PADI1: variants seen among roughly 807,000 people sequenced by gnomAD.
PADI1 encodes the protein peptidyl arginine deiminase 1.
Under a neutral mutation model 74.8 loss-of-function variants are expected in PADI1, and 65 were observed. The ratio of observed to expected loss-of-function variants is 0.87; its 90% CI spans 0.71 to 1.07. The LOEUF (loss-of-function observed/expected upper bound fraction) is 1.07. PADI1 is among the 50% of genes least tolerant of loss of function. PADI1 has a pLI of 0.00. For synonymous variants in PADI1, 371 were observed against 336.2 expected (o/e 1.10, Z -1.13); for missense variants, 943 against 854.0 (o/e 1.10, Z -1.30).
intron 4 of PADI1, 81 bp downstream of exon 4, chr1:17,224,509 C>A: frequency 9.5e-7 from 1 of 1,047,908 alleles, no homozygotes. Context: ...TGCCCTCCCT[C>A]CAGAAGAATG....
At chr1:17,226,661 C>T (rs2072321256) in intron 6 of PADI1, among the ~76,000 whole-genome samples, 1 of 152,188 alleles carries the variant, frequency 6.6e-6, no homozygotes, top group African/African-American at 2.4e-5. Flanking sequence ...CAATGACTCA[C>T]ATCTGTAATC....
In PADI1 at chr1:17,230,600, C is replaced by A. The variant is rs1557473304; in HGVS notation, c.1082C>A (p.Ala361Asp). 1 of 1,611,934 alleles carries A rather than the reference C, an allele frequency of 6.2e-7. No individual in the cohort carries two copies. The highest frequency in any genetic ancestry group is 1.3e-5 in the African/African-American group (1 of 74,752). ...QDEMEFGYIE[A>D]PHKSFPVVFD... ...GAGATGGAGTTTGGCTACATCGAGG[C>A]CCCTCACAAATCCTTCCCCGTGGTC... is the stretch of plus-strand genomic sequence containing the variant. Residue 361 changes from alanine (A) to aspartate (D), a missense_variant, in exon 10 of 16, where the codon GCC becomes GAC. Physicochemically the swap from Ala to Asp is moderately radical, Grantham distance 126. Coordinates refer to ENST00000375471, the MANE Select transcript of PADI1 (RefSeq NM_013358.3).
Position 17,224,441 on chromosome 1 carries a change from C to T in PADI1, c.408+13C>T, listed in dbSNP as rs765221986. 52 of 1,609,158 alleles carry T rather than the reference C, an allele frequency of 3.2e-5. No individual in the cohort carries two copies. Among genetic ancestry groups the T allele is most frequent in the African/African-American group, 1.7e-4 (13 of 74,854 alleles). ...CCAAGGGGACAAGGTGAGACCCTTC[C>T]GGGCACCCCAAGGCTGCGGGGTTGA... On this transcript the variant is annotated intron_variant, in intron 4 of 15. Transcript: ENST00000375471.
intron 11 of PADI1, among the ~76,000 whole-genome samples, chr1:17,235,141 A>T (rs1418137860): frequency 1.4e-5 from 2 of 141,460 alleles, no homozygotes; most frequent in Admixed American, 1.4e-4. Context: ...TGAAGGAAAG[A>T]AGGAAGGGAG....
rs12752579 is a variant in PADI1, at chr1:17,232,803, G to A, written c.1162-16G>A. The A allele has an allele frequency of 3.7e-3, 5,970 of 1,602,322 alleles. 29 individuals carry two copies. Among genetic ancestry groups the A allele is most frequent in the Middle Eastern group, 4.3e-3 (26 of 6,012 alleles). Reference sequence around the variant, plus strand: ...CTCTCCTTCTTGGGGTGGGGGTCTCGCTGGTTCTTCCATAGGGTCCTGACT... The same window carrying A: ...CTCTCCTTCTTGGGGTGGGGGTCTCACTGGTTCTTCCATAGGGTCCTGACT... On this transcript the variant is annotated splice_polypyrimidine_tract_variant and intron_variant, in intron 10 of 15. Transcript: ENST00000375471.
chr1:17,213,013 C>G (rs566736825), intron 1 of PADI1, among the ~76,000 whole-genome samples: 1 of 152,216 alleles, frequency 6.6e-6, no homozygotes, highest in Non-Finnish European at 1.5e-5. Context: ...TGTTTCCTTC[C>G]GACATCCCTG....
chr1:17,230,462 T>G, intron 9 of PADI1, 110 bp from the exon 10 acceptor site: 1 of 782,976 alleles, frequency 1.3e-6, no homozygotes, highest in Non-Finnish European at 2.0e-6. Flanking sequence ...CCTCACCAGG[T>G]CTTAGGGAAG....
chr1:17,217,431 G>A (rs1463549402), intron 1 of PADI1, among the ~76,000 whole-genome samples: 1 of 152,144 alleles, frequency 6.6e-6, no homozygotes, highest in South Asian at 2.1e-4. Flanking sequence ...GTGTCCTCTC[G>A]GGGAAGGCTG....
intron 11 of PADI1, among the ~76,000 whole-genome samples, chr1:17,234,877 G>A (rs1051573196): frequency 6.6e-6 from 1 of 152,122 alleles, no homozygotes; most frequent in Non-Finnish European, 1.5e-5. Flanking sequence ...GCTTCTTTGC[G>A]AGGCCAAGGT....
Position 17,210,919 on chromosome 1 carries a change from C to T in PADI1, c.92+5610C>T, listed in dbSNP as rs184175309. ...TCTTTTCCCCAGGGCCGTCTGCTCC[C>T]GGGCACCTGCTCTGTGCTGGGTTCT... On this transcript the variant is annotated intron_variant, in intron 1 of 15. Transcript: ENST00000375471. 3.9e-5 allele frequency among the ~76,000 whole-genome samples: 6 copies of T among 152,302 alleles called. No homozygotes were observed. The East Asian group carries it at 1.2e-3, about 29-fold the overall frequency.
chr1:17,230,545 G>A (rs1013113588), intron 9 of PADI1, 27 bp from the exon 10 acceptor site: 10 of 1,517,480 alleles, frequency 6.6e-6, no homozygotes, highest in African/African-American at 4.2e-5. Context: ...AAAGGTCACT[G>A]TGGCTTTTTC....
chr1:17,238,750 C>T (rs1289434209), intron 13 of PADI1, 41 bp downstream of exon 13: 1 of 1,046,334 alleles, frequency 9.6e-7, no homozygotes, highest in Admixed American at 3.1e-5. Flanking sequence ...GGACCCTGCC[C>T]TTTCATCACC....
intron 1 of PADI1, among the ~76,000 whole-genome samples, chr1:17,221,598 T>C (rs1311915046): frequency 6.6e-6 from 1 of 151,740 alleles, no homozygotes; most frequent in African/African-American, 2.4e-5. Context: ...GAAGGTGACA[T>C]TTAGGCAGAG....
rs577278276 is a variant in PADI1, at chr1:17,216,107, C to T, written c.93-6183C>T. ...CTGCAGCCCTGGCATGCTTGAAGAA[C>T]GGCAGGAACAAGCAAGAGGGCGTGG... is the stretch of plus-strand genomic sequence containing the variant. On this transcript the variant is annotated intron_variant, in intron 1 of 15. Transcript: ENST00000375471. Among the ~76,000 whole-genome samples the T allele has an allele frequency of 2.4e-3, 367 of 152,130 alleles. 2 individuals carry two copies. The highest frequency in any genetic ancestry group is 8.2e-3 in the African/African-American group (341 of 41,502).
At chr1:17,209,618 G>A (rs1261828470) in intron 1 of PADI1, among the ~76,000 whole-genome samples, 7 of 151,736 alleles carry the variant, frequency 4.6e-5, no homozygotes, top group Non-Finnish European at 7.4e-5. Flanking sequence ...TCCGCTTTCC[G>A]CCTCCTTACC....
intron 8 of PADI1, among the ~76,000 whole-genome samples, chr1:17,229,447 T>C (rs1319452188): frequency 6.6e-6 from 1 of 152,192 alleles, no homozygotes; most frequent in African/African-American, 2.4e-5. Flanking sequence ...GAACCCAGTC[T>C]CTGCAAGCCC....
intron 8 of PADI1, among the ~76,000 whole-genome samples, chr1:17,229,337 T>G (rs2072421035): frequency 6.6e-6 from 1 of 152,180 alleles, no homozygotes; most frequent in Admixed American, 6.5e-5. Flanking sequence ...TCAGATTTAG[T>G]CTGGGCAGTG....
chr1:17,230,099 A>T lies in PADI1; in HGVS notation c.944A>T (p.His315Leu). The change falls in exon 9 of 16, where the codon CAT (histidine) becomes CTT (leucine). Residue 315 changes from histidine to leucine, a missense_variant. His to Leu is a moderately conservative substitution (Grantham distance 99). Coordinates refer to ENST00000375471, the MANE Select transcript of PADI1 (RefSeq NM_013358.3). ...ACCTTTTACAGAGTGATGGACACTC[A>T]TGGCTCCAATGAGAAATTCCTGGAG... The part of the protein sequence containing the change: ...ELYVCRVMDT[H>L]GSNEKFLEDM... 6.2e-7 allele frequency: 1 copy of T among 1,613,972 alleles called. No individual in the cohort carries two copies. Among genetic ancestry groups the T allele is most frequent in the Non-Finnish European group, 8.5e-7 (1 of 1,179,850 alleles).
rs185745457 is a variant in PADI1 at position 17,211,958 on chromosome 1, T to C, written c.92+6649T>C. Among the ~76,000 whole-genome samples, 337 of 152,360 alleles carry C rather than the reference T, an allele frequency of 2.2e-3. 1 individual carries two copies. Among genetic ancestry groups the C allele is most frequent in the African/African-American group, 7.9e-3 (327 of 41,580 alleles). ...CAAGGGCAAAGCCAAGGATGATTTG[T>C]CTCTGCTTTCCTGGTGCCCAGCATG... On this transcript the variant is annotated intron_variant, in intron 1 of 15. Coordinates refer to ENST00000375471, the MANE Select transcript of PADI1 (RefSeq NM_013358.3).
Sources: allele counts gnomAD v4.1 joint callset (sites outside exome capture counted in the v4.1 genomes callset), GRCh38; gene constraint gnomAD v4.1.1; transcripts MANE v1.5; gene names NCBI Gene and HGNC (gene_info 2026-07-23, HGNC 2026-07-21).